Variants in ZDHHC3 observed in about 807,000 individuals in gnomAD.
ZDHHC3 encodes palmitoyltransferase ZDHHC3.
A neutral mutation model predicts 30.6 loss-of-function variants in ZDHHC3; 9 were observed. The ratio of observed to expected loss-of-function variants is 0.29; its 90% CI spans 0.18 to 0.51. The LOEUF is 0.51. Ranked by LOEUF, ZDHHC3 falls within the 20% of genes least tolerant of loss-of-function variation. The probability of loss-of-function intolerance (pLI) is 0.97; values close to 1 mark genes in which losing one functional copy is unlikely to be tolerated. For missense variants in ZDHHC3, 246 were observed against 384.2 expected (o/e 0.64, Z 3.01); for synonymous variants, 136 against 140.2 (o/e 0.97, Z 0.21).
chr3:44,938,889 C>T (rs1392993770), intron 3 of ZDHHC3, among the ~76,000 whole-genome samples: 1 of 152,236 alleles, frequency 6.6e-6, no homozygotes, highest in African/African-American at 2.4e-5. Flanking sequence ...CAAAGCCTCG[C>T]ATGAACTTTG....
At chr3:44,956,646 G>T (rs1224113576) in intron 2 of ZDHHC3, among the ~76,000 whole-genome samples, 4 of 152,156 alleles carry the variant, frequency 2.6e-5, no homozygotes, top group African/African-American at 9.7e-5. Context: ...GTACAGGCAG[G>T]ATTGAAAACT....
In ZDHHC3 at chr3:44,959,895, A is replaced by G. The variant is rs762859230; in HGVS notation, c.-24-435T>C. Among the ~76,000 whole-genome samples the G allele has an allele frequency of 1.3e-5, 2 of 152,098 alleles. No homozygotes were observed. The highest frequency in any genetic ancestry group is 2.9e-5 in the Non-Finnish European group (2 of 68,016). On this transcript the variant is annotated intron_variant, in intron 1 of 6. Transcript: ENST00000424952. This position sits in a 1 kb window ranked among gnomAD's most constrained non-coding sequence, Gnocchi z 4.3. ...TCCCACCTCAACCTCCCAAGTACCT[A>G]GAACTACAGGCACGCACCACCACAC...
At chr3:44,929,472 C>T (rs1283137685) in intron 5 of ZDHHC3, 36 bp from the exon 6 acceptor site, 7 of 1,609,724 alleles carry the variant, frequency 4.3e-6, no homozygotes, top group Non-Finnish European at 5.1e-6. Flanking sequence ...TTGGTACTGT[C>T]ACCCACTGCC....
intron 6 of ZDHHC3, 106 bp downstream of exon 6, chr3:44,929,200 T>A (rs886776440): frequency 6.9e-7 from 1 of 1,445,322 alleles, no homozygotes; most frequent in Admixed American, 2.2e-5. Flanking sequence ...ACCAGGGGCC[T>A]GACCACTGGG....
In ZDHHC3 at chr3:44,945,209, G is replaced by A. The variant is rs148855138; in HGVS notation, c.390C>T (p.Pro130=). 106 of 1,614,144 alleles carry A rather than the reference G, an allele frequency of 6.6e-5. 1 individual carries two copies. The highest frequency in any genetic ancestry group is 5.0e-4 in the Middle Eastern group (3 of 6,052). ...GGTCGGGCTTGATGCTGCAGCATTT[G>A]GGGCACTTGTACACCACCTGCCCAG... ...LKPGQVVYKC[P]KCCSIKPDRA... Residue 130 remains proline, a synonymous_variant, in exon 3 of 7, where the codon CCC becomes CCT. Coordinates refer to ENST00000424952, the MANE Select transcript of ZDHHC3 (RefSeq NM_001135179.2).
Position 44,959,462 on chromosome 3 carries a change from T to A in ZDHHC3, c.-24-2A>T. The A allele has an allele frequency of 6.3e-7, 1 of 1,592,768 alleles. No individual in the cohort carries two copies. The stretch of plus-strand genomic sequence containing the variant: ...AAGCTATTCTGTCCATACTGGCATC[T>A]GAAAGAGAGAGGAAAGAATCCAGAA... On this transcript the variant is annotated splice_acceptor_variant, in intron 1 of 6. Transcript: ENST00000424952. LOFTEE classifies it low-confidence loss of function (5UTR_SPLICE). The surrounding 1 kb of genome is among the most constrained non-coding windows in gnomAD (Gnocchi z 4.3).
chr3:44,940,689 C>A (rs560221266), intron 3 of ZDHHC3, among the ~76,000 whole-genome samples: 3 of 152,312 alleles, frequency 2.0e-5, no homozygotes, highest in East Asian at 3.9e-4. Context: ...TTCCCTTCTC[C>A]CCTTCCTCCA....
Position 44,925,804 on chromosome 3 carries a change from T to C in ZDHHC3, c.*885A>G, listed in dbSNP as rs551570794. 1.0e-4 allele frequency: 102 copies of C among 985,854 alleles called. No homozygotes were observed. In the South Asian group the frequency reaches 3.6e-3, roughly 35 times the overall value. The allele number at this position is 985,854 out of a possible 1,614,324, so 61.1% of individuals were successfully genotyped here. The stretch of plus-strand genomic sequence containing the variant: ...TGTATGTGTTGGGCACTGGTGCCTA[T>C]TGCAGTCAGAATTCACACTGCTTAA... On this transcript the variant is annotated 3_prime_UTR_variant, in exon 7 of 7. Coordinates refer to ENST00000424952, the MANE Select transcript of ZDHHC3 (RefSeq NM_001135179.2).
At chr3:44,955,806 G>A (rs1703902393) in intron 2 of ZDHHC3, among the ~76,000 whole-genome samples, 1 of 152,136 alleles carries the variant, frequency 6.6e-6, no homozygotes, top group Non-Finnish European at 1.5e-5. Flanking sequence ...TTGCATACTG[G>A]GTTTTGCATG....
At position 44,956,849 on chromosome 3, in the gene ZDHHC3, C is replaced by T. The variant is rs536565323; in HGVS notation, c.306+2282G>A. ...CACACCCTGTCTCTCTGAAGGCTGC[C>T]GGCTGCACTTAGAATAAAATCCAAA... On this transcript the variant is annotated intron_variant, in intron 2 of 6. Coordinates refer to ENST00000424952, the MANE Select transcript of ZDHHC3 (RefSeq NM_001135179.2). 1.4e-4 allele frequency among the ~76,000 whole-genome samples: 22 copies of T among 152,208 alleles called. No individual in the cohort carries two copies. In the South Asian group the frequency reaches 4.2e-3, roughly 29 times the overall value.
At chr3:44,953,018 T>C (rs1410635564) in intron 2 of ZDHHC3, among the ~76,000 whole-genome samples, 2 of 152,238 alleles carry the variant, frequency 1.3e-5, no homozygotes, top group Non-Finnish European at 2.9e-5. Context: ...AGCTGAATAA[T>C]GATACATTTA....
Position 44,922,614 on chromosome 3 carries a change from T to C in ZDHHC3, c.*4075A>G. 1.0e-6 allele frequency: 1 copy of C among 985,262 alleles called. No individual in the cohort carries two copies. The highest frequency in any genetic ancestry group is 1.2e-6 in the Non-Finnish European group (1 of 829,898). The allele number at this position is 985,262 out of a possible 1,614,324, so 61.0% of individuals were successfully genotyped here. On this transcript the variant is annotated 3_prime_UTR_variant, in exon 7 of 7. Transcript: ENST00000424952. The stretch of plus-strand genomic sequence containing the variant: ...TGAGCCCAGCAGCACACAAGACCCA[T>C]ATCACCAGCAGGCATCAGGGACCAC...
At chr3:44,944,317 T>C (rs934733482) in intron 3 of ZDHHC3, among the ~76,000 whole-genome samples, 7 of 152,182 alleles carry the variant, frequency 4.6e-5, no homozygotes, top group African/African-American at 1.7e-4. Flanking sequence ...CGGCTAATTT[T>C]GTATCTTTAG....
At chr3:44,972,154 C>A (rs919390312) in intron 1 of ZDHHC3, among the ~76,000 whole-genome samples, 1 of 152,154 alleles carries the variant, frequency 6.6e-6, no homozygotes, top group Non-Finnish European at 1.5e-5. Context: ...CAGAAGGTTT[C>A]CTGCTGGGCT....
chr3:44,955,104 C>A (rs1033681136), intron 2 of ZDHHC3, among the ~76,000 whole-genome samples: 1 of 152,272 alleles, frequency 6.6e-6, no homozygotes, highest in African/African-American at 2.4e-5. Flanking sequence ...CTGACTTGTG[C>A]TCCTGCCCAC....
chr3:44,929,420 A>T lies in ZDHHC3; in HGVS notation c.627T>A (p.Ser209=), dbSNP rs764339899. The change falls in exon 6 of 7, where the codon TCT becomes TCA. Residue 209 remains serine (S), a synonymous_variant. Coordinates refer to ENST00000424952, the MANE Select transcript of ZDHHC3 (RefSeq NM_001135179.2). The part of the protein sequence containing the change: ...EEDWTKCSSF[S]PPTTVILLIL... ...TAAGGAGAATCACTGTGGTGGGTGG[A>T]GAGAAGGAGCTGCACTCTGAAAGAG... 1 of 1,614,056 alleles carries T rather than the reference A, an allele frequency of 6.2e-7. No homozygotes were observed. The highest frequency in any genetic ancestry group is 1.1e-5 in the South Asian group (1 of 91,050).
At position 44,921,688 on chromosome 3, in the gene ZDHHC3, T is replaced by A. The variant is rs1012330080; in HGVS notation, c.*5001A>T. On this transcript the variant is annotated 3_prime_UTR_variant, in exon 7 of 7. Coordinates refer to ENST00000424952, the MANE Select transcript of ZDHHC3 (RefSeq NM_001135179.2). ...TTAATCCTTCCATTAACTTTGTGAT[T>A]TAGATTATCATTCCCGTTTTCAGAT... The A allele has an allele frequency of 1.0e-6, 1 of 968,354 alleles. No homozygotes were observed. 60.0% of individuals were successfully genotyped at this position (968,354 alleles called of 1,614,324 possible). A position where few individuals can be genotyped will look rare whatever the true frequency, so the allele number is the denominator to read the frequency against.
chr3:44,936,246 T>C (rs139441001), intron 3 of ZDHHC3, among the ~76,000 whole-genome samples: 1 of 151,980 alleles, frequency 6.6e-6, no homozygotes, highest in East Asian at 1.9e-4. Flanking sequence ...CCAAGAAGCA[T>C]ATGAAAAAAA....
At chr3:44,946,301 G>C (rs550252399) in intron 2 of ZDHHC3, among the ~76,000 whole-genome samples, 31 of 152,176 alleles carry the variant, frequency 2.0e-4, no homozygotes, top group Non-Finnish European at 4.1e-4. Context: ...GCGTTCTTTA[G>C]AGCCAATGGC....
Sources: allele counts gnomAD v4.1 joint callset (sites outside exome capture counted in the v4.1 genomes callset), GRCh38; gene constraint gnomAD v4.1.1; non-coding constraint Gnocchi (gnomAD v3.1); transcripts MANE v1.5; gene names NCBI Gene and HGNC (gene_info 2026-07-23, HGNC 2026-07-21).